The following PCBP4 variants were observed in gnomAD, a reference collection of about 807,000 sequenced individuals.
PCBP4 encodes poly(rC) binding protein 4.
A neutral mutation model predicts 46.2 loss-of-function variants in PCBP4; 24 were observed. The observed-to-expected ratio is 0.52, with a 90% CI of 0.38 to 0.73. The LOEUF is 0.73. Ranked by LOEUF, PCBP4 falls within the 30% of genes least tolerant of loss-of-function variation. The pLI, the probability that PCBP4 is intolerant of heterozygous loss-of-function variation, is 0.00. For missense variants in PCBP4, 407 were observed against 537.0 expected (o/e 0.76, Z 2.39); for synonymous variants, 203 against 224.4 (o/e 0.90, Z 0.85).
chr3:51,958,937 C>T lies in PCBP4; in HGVS notation c.776G>A (p.Arg259His), dbSNP rs753153356. The change falls in exon 13 of 14, where the codon CGC (arginine) becomes CAC (histidine). Residue 259 changes from arginine (R) to histidine (H), a missense_variant. Arg to His is a conservative substitution (Grantham distance 29). Coordinates refer to ENST00000461554, the MANE Select transcript of PCBP4 (RefSeq NM_001174100.2). The surrounding 1 kb of genome is among the most constrained non-coding windows in gnomAD (Gnocchi z 5.4). ...PNDLIGCVIG[R>H]QGSKISEIRQ... Reference sequence around the variant, plus strand: ...GATCTCGCTGATCTTGCTGCCCTGGCGCCCGATCACACAGCCAATCAACTA... The same window carrying T: ...GATCTCGCTGATCTTGCTGCCCTGGTGCCCGATCACACAGCCAATCAACTA... 19 of 1,613,954 alleles carry T rather than the reference C, an allele frequency of 1.2e-5. No individual in the cohort carries two copies. The highest frequency in any genetic ancestry group is 2.2e-5 in the South Asian group (2 of 91,080).
rs1700137854 is a variant in PCBP4 at position 51,960,947 on chromosome 3, C to T, written c.106-49G>A. On this transcript the variant is annotated intron_variant, in intron 4 of 13. Coordinates refer to ENST00000461554, the MANE Select transcript of PCBP4 (RefSeq NM_001174100.2). This position sits in a 1 kb window ranked among gnomAD's most constrained non-coding sequence, Gnocchi z 5.0. The stretch of plus-strand genomic sequence containing the variant: ...ATCACTCTTAACTTAGAGGTCACAG[C>T]CTCCTTCCCTGGGCTGAAGCCTCAG... 2.5e-6 allele frequency: 4 copies of T among 1,614,100 alleles called. No homozygotes were observed. The highest frequency in any genetic ancestry group is 3.4e-6 in the Non-Finnish European group (4 of 1,179,926).
At chr3:51,966,736 C>A (rs1372412282) in intron 1 of PCBP4, among the ~76,000 whole-genome samples, 1 of 151,964 alleles carries the variant, frequency 6.6e-6, no homozygotes, top group Non-Finnish European at 1.5e-5. Flanking sequence ...AGAGAGGAGG[C>A]GGGCACCTCC....
Position 51,967,427 on chromosome 3 carries a change from G to T in PCBP4, c.-314C>A. Reference sequence around the variant, plus strand: ...GAGGCGGCCGCTCACAACTGCGAGTGACATCAGCTGCGAACAATGAGGGGT... The same window carrying T: ...GAGGCGGCCGCTCACAACTGCGAGTTACATCAGCTGCGAACAATGAGGGGT... On this transcript the variant is annotated 5_prime_UTR_variant, in exon 1 of 14. The change creates a premature stop within an existing upstream ORF in the 5' untranslated region. Transcript: ENST00000461554. The T allele has an allele frequency of 1.3e-5, 2 of 150,608 alleles. No homozygotes were observed. Among genetic ancestry groups the T allele is most frequent in the South Asian group, 3.7e-4 (2 of 5,344 alleles). 9.3% of individuals were successfully genotyped at this position (150,608 alleles called of 1,614,324 possible). A position where few individuals can be genotyped will look rare whatever the true frequency, so the allele number is the denominator to read the frequency against.
chr3:51,958,213 G>A lies in PCBP4; in HGVS notation c.1060C>T (p.Leu354Phe). ...GLLGTPYAIS[L>F]SNFIGLKPMP... ...GGCTTGAGGCCGATGAAGTTGGAGA[G>A]GGAGATGGCATAGGGTGTGCCCAGC... Residue 354 changes from leucine (L) to phenylalanine (F), a missense_variant, in exon 14 of 14, where the codon CTC (leucine) becomes TTC (phenylalanine). Physicochemically the swap from Leu to Phe is conservative, Grantham distance 22. Coordinates refer to ENST00000461554, the MANE Select transcript of PCBP4 (RefSeq NM_001174100.2). The surrounding 1 kb of genome is among the most constrained non-coding windows in gnomAD (Gnocchi z 5.4). The A allele has an allele frequency of 6.2e-7, 1 of 1,613,116 alleles. No individual in the cohort carries two copies.
rs553190658 is a variant in PCBP4 at position 51,958,098 on chromosome 3, C to T, written c.1175G>A (p.Ser392Asn). ...YTAKMAAANG[S>N]KKAERQKFSP... Reference sequence around the variant, plus strand: ...GAATTTCTGCCGCTCAGCCTTCTTGCTCCCATTAGCTGCTGCCATCTTGGC... The same window carrying T: ...GAATTTCTGCCGCTCAGCCTTCTTGTTCCCATTAGCTGCTGCCATCTTGGC... The change falls in exon 14 of 14, where the codon AGC (serine) becomes AAC (asparagine). Residue 392 changes from serine to asparagine, a missense_variant. By Grantham distance (46) the Ser-to-Asn change is conservative. Coordinates refer to ENST00000461554, the MANE Select transcript of PCBP4 (RefSeq NM_001174100.2). The surrounding 1 kb of genome is among the most constrained non-coding windows in gnomAD (Gnocchi z 5.4). The T allele has an allele frequency of 6.3e-7, 1 of 1,583,966 alleles. No homozygotes were observed. The highest frequency in any genetic ancestry group is 8.6e-7 in the Non-Finnish European group (1 of 1,166,772).
intron 1 of PCBP4, among the ~76,000 whole-genome samples, chr3:51,965,826 T>G (rs1700393723): frequency 6.6e-6 from 1 of 152,028 alleles, no homozygotes; most frequent in Admixed American, 6.5e-5. Context: ...TCCCTAGGTA[T>G]GCTGCTGGGG....
In PCBP4 at chr3:51,958,529, C is replaced by T. The variant is rs532916422; in HGVS notation, c.924-180G>A. ...GAAGAAAGGACAAGCAGATATAGCA[C>T]GAGGTGCAGGGAGAAATGGGGTGGC... On this transcript the variant is annotated intron_variant, in intron 13 of 13. Coordinates refer to ENST00000461554, the MANE Select transcript of PCBP4 (RefSeq NM_001174100.2). The surrounding 1 kb of genome is among the most constrained non-coding windows in gnomAD (Gnocchi z 5.4). Among the ~76,000 whole-genome samples the T allele has an allele frequency of 7.3e-5, 11 of 151,046 alleles. No homozygotes were observed. In the East Asian group the frequency reaches 1.8e-3, roughly 24 times the overall value.
chr3:51,957,966 T>A lies in PCBP4; in HGVS notation c.*95A>T, dbSNP rs1391197401. ...CATGCGTCTGGGCGTTAGCGGCGTTTGGGACCCCAGGGTGGAGTCTCCTTG... is the reference window on the plus strand; with the variant it reads ...CATGCGTCTGGGCGTTAGCGGCGTTAGGGACCCCAGGGTGGAGTCTCCTTG... On this transcript the variant is annotated 3_prime_UTR_variant, in exon 14 of 14. Transcript: ENST00000461554. The A allele has an allele frequency of 4.9e-6, 6 of 1,221,912 alleles. No homozygotes were observed. Among genetic ancestry groups the A allele is most frequent in the African/African-American group, 4.6e-5 (3 of 65,024 alleles). 75.7% of individuals were successfully genotyped at this position (1,221,912 alleles called of 1,614,324 possible). A position where few individuals can be genotyped will look rare whatever the true frequency, so the allele number is the denominator to read the frequency against.
intron 1 of PCBP4, among the ~76,000 whole-genome samples, chr3:51,963,521 G>A (rs1700277952): frequency 6.6e-6 from 1 of 152,242 alleles, no homozygotes; most frequent in South Asian, 2.1e-4. Context: ...ACCCCCTTGG[G>A]ATGGTAACCA....
rs545788091 is a variant in PCBP4 at position 51,958,186 on chromosome 3, T to C, written c.1087A>G (p.Met363Val). The change falls in exon 14 of 14, where the codon ATG (methionine) becomes GTG (valine). Residue 363 changes from methionine (M) to valine (V), a missense_variant. Coordinates refer to ENST00000461554, the MANE Select transcript of PCBP4 (RefSeq NM_001174100.2). The surrounding 1 kb of genome is among the most constrained non-coding windows in gnomAD (Gnocchi z 5.4). ...SLSNFIGLKP[M>V]PFLALPPASP... ...GCAGGTGGTAAAGCCAAGAAGGGCA[T>C]GGGCTTGAGGCCGATGAAGTTGGAG... 1 of 1,613,328 alleles carries C rather than the reference T, an allele frequency of 6.2e-7. No individual in the cohort carries two copies. The highest frequency in any genetic ancestry group is 2.2e-5 in the East Asian group (1 of 44,746).
At position 51,960,480 on chromosome 3, in the gene PCBP4, CT is replaced by C; in HGVS notation, c.255+45del. The stretch of plus-strand genomic sequence containing the variant: ...ACTATCTGGAGTCAGAGTTGGGTTC[CT>C]CCTGGGGAACCACTCTTGGCGTCCT... On this transcript the variant is annotated intron_variant, in intron 6 of 13. Transcript: ENST00000461554. The surrounding 1 kb of genome is among the most constrained non-coding windows in gnomAD (Gnocchi z 5.0). 6.3e-6 allele frequency: 10 copies of C among 1,577,254 alleles called. No homozygotes were observed. The highest frequency in any genetic ancestry group is 7.8e-6 in the Non-Finnish European group (9 of 1,146,668).
rs561674617 is a variant in PCBP4 at position 51,964,400 on chromosome 3, C to T, written c.-212-2312G>A. 4.1e-4 allele frequency among the ~76,000 whole-genome samples: 63 copies of T among 152,292 alleles called. 1 individual carries two copies. The East Asian group carries it at 8.7e-3, about 21-fold the overall frequency. On this transcript the variant is annotated intron_variant, in intron 1 of 13. Coordinates refer to ENST00000461554, the MANE Select transcript of PCBP4 (RefSeq NM_001174100.2). ...GGAGGGGAGGGCTCCTGGGGCCAGG[C>T]GATTCAAGTAGACTGGCCCGCCCCT...
In PCBP4 at chr3:51,959,156, C is replaced by T. The variant is rs1700008758; in HGVS notation, c.701-57G>A. 1 of 1,613,032 alleles carries T rather than the reference C, an allele frequency of 6.2e-7. No homozygotes were observed. The highest frequency in any genetic ancestry group is 1.1e-5 in the South Asian group (1 of 91,050). On this transcript the variant is annotated intron_variant, in intron 11 of 13. Transcript: ENST00000461554. The surrounding 1 kb of genome is among the most constrained non-coding windows in gnomAD (Gnocchi z 5.6). ...CTGGGCCTTTCCCGCCCCACCATTT[C>T]CACTCTCCCTGGAAGGGAGGGGGCT... is the stretch of plus-strand genomic sequence containing the variant.
At chr3:51,964,102 T>C (rs1372306797) in intron 1 of PCBP4, among the ~76,000 whole-genome samples, 1 of 152,194 alleles carries the variant, frequency 6.6e-6, no homozygotes, top group African/African-American at 2.4e-5. Context: ...ACCAGGCCTC[T>C]GACCTCGGGC....
At position 51,959,572 on chromosome 3, in the gene PCBP4, C is replaced by T. The variant is rs1700037671; in HGVS notation, c.591+5G>A. 6.4e-7 allele frequency: 1 copy of T among 1,551,918 alleles called. No homozygotes were observed. Among genetic ancestry groups the T allele is most frequent in the Non-Finnish European group, 8.7e-7 (1 of 1,146,716 alleles). On this transcript the variant is annotated splice_donor_5th_base_variant and intron_variant, in intron 9 of 13. Coordinates refer to ENST00000461554, the MANE Select transcript of PCBP4 (RefSeq NM_001174100.2). The surrounding 1 kb of genome is among the most constrained non-coding windows in gnomAD (Gnocchi z 5.6). ...GTGTCCCACTGCTCCTGTTGTTCCC[C>T]TCACCTGGTTGGCAGAGAGAAGAAC...
In PCBP4 at chr3:51,957,976, G is replaced by T. The variant is rs1699900958; in HGVS notation, c.*85C>A. 2 of 1,307,482 alleles carry T rather than the reference G, an allele frequency of 1.5e-6. No homozygotes were observed. The highest frequency in any genetic ancestry group is 2.1e-6 in the Non-Finnish European group (2 of 958,716). 81.0% of individuals were successfully genotyped at this position (1,307,482 alleles called of 1,614,324 possible). A position where few individuals can be genotyped will look rare whatever the true frequency, so the allele number is the denominator to read the frequency against. On this transcript the variant is annotated 3_prime_UTR_variant, in exon 14 of 14. Coordinates refer to ENST00000461554, the MANE Select transcript of PCBP4 (RefSeq NM_001174100.2). ...GGCGTTAGCGGCGTTTGGGACCCCA[G>T]GGTGGAGTCTCCTTGGGCGGGTAGG... is the stretch of plus-strand genomic sequence containing the variant.
rs769531790 is a variant in PCBP4 at position 51,960,335 on chromosome 3, C to T, written c.256-15G>A. 123 of 1,610,816 alleles carry T rather than the reference C, an allele frequency of 7.6e-5. No individual in the cohort carries two copies. Among genetic ancestry groups the T allele is most frequent in the South Asian group, 9.9e-5 (9 of 90,880 alleles). On this transcript the variant is annotated splice_polypyrimidine_tract_variant and intron_variant, in intron 6 of 13. Transcript: ENST00000461554. The surrounding 1 kb of genome is among the most constrained non-coding windows in gnomAD (Gnocchi z 5.0). ...GCACAAAGGTCCTGGGACAGGGAGA[C>T]GGTGGGTTGGCCATGCTCGTCCCTG...
At position 51,958,266 on chromosome 3, in the gene PCBP4, G is replaced by A. The variant is rs149632053; in HGVS notation, c.1007C>T (p.Thr336Met). The A allele has an allele frequency of 3.3e-5, 53 of 1,585,648 alleles. No homozygotes were observed. Among genetic ancestry groups the A allele is most frequent in the Middle Eastern group, 1.7e-4 (1 of 5,926 alleles). ...DLPAPFSPPL[T>M]ALPTAPPGLL... ...GCCAGGGGGAGCTGTGGGCAGGGCC[G>A]TCAGGGGTGGCGAGAAGGGGGCAGG... is the stretch of plus-strand genomic sequence containing the variant. Residue 336 changes from threonine to methionine, a missense_variant, in exon 14 of 14, where the codon ACG (threonine) becomes ATG (methionine). Thr to Met is a moderately conservative substitution (Grantham distance 81). Transcript: ENST00000461554. This position sits in a 1 kb window ranked among gnomAD's most constrained non-coding sequence, Gnocchi z 5.4.
rs1388393943 is a variant in PCBP4, at chr3:51,958,268, CAG to C, written c.1003_1004del (p.Leu335AspfsTer55). ...CAGGGGGAGCTGTGGGCAGGGCCGT[CAG>C]GGGTGGCGAGAAGGGGGCAGGCAGG... ...ADLPAPFSPP[L>X]TALPTAPPGL... On this transcript the variant is annotated frameshift_variant, in exon 14 of 14. Transcript: ENST00000461554. LOFTEE classifies it high-confidence loss of function. The surrounding 1 kb of genome is among the most constrained non-coding windows in gnomAD (Gnocchi z 5.4). 6.3e-7 allele frequency: 1 copy of C among 1,584,330 alleles called. No individual in the cohort carries two copies. The highest frequency in any genetic ancestry group is 2.3e-5 in the East Asian group (1 of 43,992).
Sources: gnomAD v4.1 joint callset for allele counts (sites outside exome capture counted in the v4.1 genomes callset) on GRCh38, gnomAD v4.1.1 for gene constraint, Gnocchi (gnomAD v3.1) non-coding constraint, MANE v1.5 for transcripts, NCBI Gene and HGNC (gene_info 2026-07-23, HGNC 2026-07-21) for gene names.